The following GNAQ variants were observed in gnomAD, a reference collection of about 807,000 sequenced individuals.
The protein encoded by GNAQ is guanine nucleotide-binding protein G(q) subunit alpha.
GNAQ carries 8 observed loss-of-function variants against 43.9 expected under a neutral mutation model. That is an observed-to-expected ratio of 0.18 (90% CI 0.11 to 0.33). The LOEUF (loss-of-function observed/expected upper bound fraction) is 0.33, where lower values mean the gene tolerates loss of function less well. Ranked by LOEUF, GNAQ falls within the 10% of genes least tolerant of loss-of-function variation. GNAQ has a pLI of 1.00. For missense variants in GNAQ, 158 were observed against 450.8 expected (o/e 0.35, Z 5.88); for synonymous variants, 155 against 170.7 (o/e 0.91, Z 0.71).
At chr9:77,935,279 T>C (rs1177423288) in intron 1 of GNAQ, among the ~76,000 whole-genome samples, 1 of 152,164 alleles carries the variant, frequency 6.6e-6, no homozygotes, top group African/African-American at 2.4e-5. Flanking sequence ...ATGTTGATGT[T>C]GATCAAAAAC....
At chr9:77,778,238 CACACGT>C (rs1826335563) in intron 5 of GNAQ, among the ~76,000 whole-genome samples, 1 of 151,062 alleles carries the variant, frequency 6.6e-6, no homozygotes, top group Admixed American at 6.6e-5. Flanking sequence ...CACACACACA[CACACGT>C]ATTCCTCTAT....
At chr9:77,965,507 TAAG>T (rs959469003) in intron 1 of GNAQ, among the ~76,000 whole-genome samples, 9 of 151,192 alleles carry the variant, frequency 6.0e-5, no homozygotes, top group African/African-American at 2.2e-4. Context: ...ACAAAAAAAA[TAAG>T]AAATCAAGTA....
chr9:77,957,075 T>C (rs1823049578), intron 1 of GNAQ, among the ~76,000 whole-genome samples: 1 of 152,088 alleles, frequency 6.6e-6, no homozygotes, highest in South Asian at 2.1e-4. Context: ...AACTTAATAA[T>C]AGGCTGGGTG....
chr9:77,966,004 AAGG>A (rs568910099), intron 1 of GNAQ, among the ~76,000 whole-genome samples: 82 of 152,274 alleles, frequency 5.4e-4, no homozygotes, highest in African/African-American at 1.9e-3. Context: ...TCTCAGCAAA[AAGG>A]AGCGAACTAT....
At chr9:78,030,906 T>C (rs1351187026) in intron 1 of GNAQ, among the ~76,000 whole-genome samples, 194 bp downstream of exon 1, 1 of 151,340 alleles carries the variant, frequency 6.6e-6, no homozygotes, top group Non-Finnish European at 1.5e-5. Flanking sequence ...TGTGTGTGTG[T>C]GTGTGTGTGT....
chr9:77,747,207 A>G (rs1448244165), intron 5 of GNAQ, among the ~76,000 whole-genome samples: 1 of 151,994 alleles, frequency 6.6e-6, no homozygotes. Context: ...TATTAAAATA[A>G]TAAATATATT....
In GNAQ at chr9:77,810,214, C is replaced by CTATT. The variant is rs1446508229; in HGVS notation, c.476+5401_476+5402insAATA. Among the ~76,000 whole-genome samples the CTATT allele has an allele frequency of 2.0e-4, 6 of 30,412 alleles. No individual in the cohort carries two copies. The Admixed American group carries it at 2.2e-3, about 11-fold the overall frequency. 20.0% of individuals were successfully genotyped at this position (30,412 alleles called of 152,430 possible). On this transcript the variant is annotated intron_variant, in intron 3 of 6. Transcript: ENST00000286548. The stretch of plus-strand genomic sequence containing the variant: ...TATCTAAAAACTGTCAATCATCTAT[C>CTATT]TATCTATCTATCTATCTATCTATCT...
intron 5 of GNAQ, among the ~76,000 whole-genome samples, chr9:77,748,956 G>A (rs1292138278): frequency 6.6e-6 from 1 of 152,122 alleles, no homozygotes; most frequent in Admixed American, 6.6e-5. Flanking sequence ...GGTAAGAAAG[G>A]GAAAGGGGGA....
At chr9:77,784,581 T>C (rs1176174780) in intron 5 of GNAQ, among the ~76,000 whole-genome samples, 1 of 152,132 alleles carries the variant, frequency 6.6e-6, no homozygotes, top group Non-Finnish European at 1.5e-5. Flanking sequence ...TTATAAAATA[T>C]AAATGTTATA....
At chr9:77,765,229 A>T (rs1412275958) in intron 5 of GNAQ, among the ~76,000 whole-genome samples, 1 of 152,244 alleles carries the variant, frequency 6.6e-6, no homozygotes, top group East Asian at 1.9e-4. Flanking sequence ...GGGACAAAAA[A>T]TAGCTATTAT....
intron 3 of GNAQ, among the ~76,000 whole-genome samples, chr9:77,811,231 A>C (rs1400979970): frequency 1.3e-5 from 2 of 152,140 alleles, no homozygotes; most frequent in Non-Finnish European, 2.9e-5. Context: ...TATTTCTGTA[A>C]GGTGATAATG....
intron 1 of GNAQ, among the ~76,000 whole-genome samples, chr9:77,961,117 C>A (rs1041784288): frequency 6.6e-6 from 1 of 152,082 alleles, no homozygotes; most frequent in African/African-American, 2.4e-5. Flanking sequence ...CTTTTAGAAC[C>A]TAATGGATAT....
Position 77,939,196 on chromosome 9 carries a change from A to C in GNAQ, c.137-16851T>G, listed in dbSNP as rs146702347. 2.0e-5 allele frequency among the ~76,000 whole-genome samples: 3 copies of C among 152,336 alleles called. No individual in the cohort carries two copies. In the East Asian group the frequency reaches 5.8e-4, roughly 29 times the overall value. On this transcript the variant is annotated intron_variant, in intron 1 of 6. Coordinates refer to ENST00000286548, the MANE Select transcript of GNAQ (RefSeq NM_002072.5). ...AATGAGGGGCAAGGAAGGTTCTAGAAATGTTGAATAAATACACACATTTAC... is the reference window on the plus strand; with the variant it reads ...AATGAGGGGCAAGGAAGGTTCTAGACATGTTGAATAAATACACACATTTAC...
Position 78,008,171 on chromosome 9 carries a change from C to G in GNAQ, c.136+22929G>C, listed in dbSNP as rs113014727. 3.8e-3 allele frequency among the ~76,000 whole-genome samples: 584 copies of G among 152,268 alleles called. 1 individual carries two copies. The highest frequency in any genetic ancestry group is 6.9e-3 in the Non-Finnish European group (469 of 68,022). On this transcript the variant is annotated intron_variant, in intron 1 of 6. Transcript: ENST00000286548. ...TGTGTTGTTTGAGCCGCTGAAAGAC[C>G]CATGTACCTCTACACAGGTGGGGGA...
chr9:77,931,266 T>C (rs1341125610), intron 1 of GNAQ, among the ~76,000 whole-genome samples: 3 of 151,728 alleles, frequency 2.0e-5, no homozygotes, highest in Non-Finnish European at 4.4e-5. Flanking sequence ...TTTCCATCCC[T>C]AAGCATTAGA....
intron 5 of GNAQ, among the ~76,000 whole-genome samples, chr9:77,769,034 A>C (rs1826177513): frequency 6.6e-6 from 1 of 152,220 alleles, no homozygotes; most frequent in African/African-American, 2.4e-5. Flanking sequence ...GGGAAGACAG[A>C]GGGCAAGGTA....
chr9:77,750,952 C>A (rs1383245447), intron 5 of GNAQ, among the ~76,000 whole-genome samples: 1 of 152,206 alleles, frequency 6.6e-6, no homozygotes, highest in Non-Finnish European at 1.5e-5. Flanking sequence ...GATGGTGCTA[C>A]TGTACAGTGC....
intron 2 of GNAQ, among the ~76,000 whole-genome samples, chr9:77,890,697 TG>T (rs1241689191): frequency 6.6e-6 from 1 of 152,226 alleles, no homozygotes; most frequent in Non-Finnish European, 1.5e-5. Context: ...CACTCCAGGC[TG>T]GGCAACAAGA....
intron 5 of GNAQ, among the ~76,000 whole-genome samples, chr9:77,755,338 T>G (rs540810406): frequency 7.4e-4 from 113 of 152,300 alleles, no homozygotes; most frequent in African/African-American, 2.5e-3. Flanking sequence ...CAGTTAAGTT[T>G]ATTGTACATT....
Sources: gnomAD v4.1 joint callset for allele counts (sites outside exome capture counted in the v4.1 genomes callset) on GRCh38, gnomAD v4.1.1 for gene constraint, MANE v1.5 for transcripts, NCBI Gene and HGNC (gene_info 2026-07-23, HGNC 2026-07-21) for gene names.